KCTD16: variants seen among roughly 807,000 people sequenced by gnomAD.
KCTD16 encodes the protein potassium channel tetramerization domain containing 16, also known as BTB/POZ domain-containing protein KCTD16.
In KCTD16, 13 loss-of-function variants were observed where a neutral mutation model predicts 33.2. The observed-to-expected ratio is 0.39, with a 90% confidence interval of 0.25 to 0.62. The LOEUF (loss-of-function observed/expected upper bound fraction) is 0.62. KCTD16 is among the 20% of genes least tolerant of loss of function. The probability of loss-of-function intolerance (pLI) is 0.50; values close to 1 mark genes in which losing one functional copy is unlikely to be tolerated. For synonymous variants in KCTD16, 197 were observed against 195.3 expected, an observed-to-expected ratio of 1.01 and a Z score of -0.07; for missense variants, 441 against 525.1, an observed-to-expected ratio of 0.84 and a Z score of 1.57.
intron 3 of KCTD16, among the ~76,000 whole-genome samples, chr5:144,249,477 T>G (rs1754638023): frequency 6.6e-6 from 1 of 152,184 alleles, no homozygotes; most frequent in Admixed American, 6.5e-5. Context: ...GTTTACCTAA[T>G]ACAGTGTCTG....
In KCTD16 at chr5:144,248,254, C is replaced by G. The variant is rs1289520948; in HGVS notation, c.832+40708C>G. ...TGATGTCATTGAGAAGAGGCAATTT[C>G]AGTAAAATCTTGAAAGAGGCAAAGA... On this transcript the variant is annotated intron_variant, in intron 3 of 3. Coordinates refer to ENST00000512467, the MANE Select transcript of KCTD16 (RefSeq NM_020768.4). Among the ~76,000 whole-genome samples, 4 of 152,092 alleles carry G rather than the reference C, an allele frequency of 2.6e-5. No individual in the cohort carries two copies. The East Asian group carries it at 7.7e-4, about 29-fold the overall frequency.
At chr5:144,406,559 C>T (rs1033611156) in intron 3 of KCTD16, among the ~76,000 whole-genome samples, 1 of 152,176 alleles carries the variant, frequency 6.6e-6, no homozygotes, top group Admixed American at 6.5e-5. Flanking sequence ...TTTTCCCCTT[C>T]CTTATTATTC....
chr5:144,479,499 T>C lies in KCTD16; in HGVS notation c.*5385T>C, dbSNP rs561341632. On this transcript the variant is annotated 3_prime_UTR_variant, in exon 4 of 4. Coordinates refer to ENST00000512467, the MANE Select transcript of KCTD16 (RefSeq NM_020768.4). ...CCAAATTCCCACGTTATAAGAAAGA[T>C]GAAAATAGAGATCATGCTTGTCATG... 3.3e-5 allele frequency: 5 copies of C among 151,594 alleles called. No homozygotes were observed. Among genetic ancestry groups the C allele is most frequent in the Middle Eastern group, 3.4e-3 (1 of 292 alleles). 9.4% of individuals were successfully genotyped at this position (151,594 alleles called of 1,614,324 possible).
intron 3 of KCTD16, among the ~76,000 whole-genome samples, chr5:144,260,401 T>G (rs577704610): frequency 6.6e-6 from 1 of 152,280 alleles, no homozygotes; most frequent in East Asian, 1.9e-4. Flanking sequence ...GTAAAGTAGT[T>G]AAAGAAAATT....
chr5:144,444,212 C>G (rs1271245956), intron 3 of KCTD16, among the ~76,000 whole-genome samples: 1 of 138,148 alleles, frequency 7.2e-6, no homozygotes, highest in African/African-American at 3.5e-5. Flanking sequence ...CCTCCCCCCT[C>G]CACACACAAA....
In KCTD16 at chr5:144,345,515, A is replaced by C. The variant is rs368967402; in HGVS notation, c.833-128145A>C. On this transcript the variant is annotated intron_variant, in intron 3 of 3. Coordinates refer to ENST00000512467, the MANE Select transcript of KCTD16 (RefSeq NM_020768.4). ...CATTATTTATCTTTTATTCTTATCC[A>C]GGATGAATGTAAACCTTTTGGGTTT... Among the ~76,000 whole-genome samples the C allele has an allele frequency of 2.6e-5, 4 of 152,172 alleles. No homozygotes were observed. In the East Asian group the frequency reaches 5.8e-4, roughly 22 times the overall value.
intron 3 of KCTD16, among the ~76,000 whole-genome samples, chr5:144,345,349 T>TATA (rs917587163): frequency 1.5e-4 from 22 of 151,716 alleles, no homozygotes; most frequent in Admixed American, 2.6e-4. Flanking sequence ...AAACTTAAAG[T>TATA]ATAATAATAA....
chr5:144,207,518 G>T lies in KCTD16; in HGVS notation c.804G>T (p.Trp268Cys). ...ACCAATATACAGATGACAAGATCTG[G>T]TCAAGCTACACTGAATATGTCTTCT... is the stretch of plus-strand genomic sequence containing the variant. Reference protein sequence around the residue: ...FINQYTDDKIWSSYTEYVFYR... With the variant: ...FINQYTDDKICSSYTEYVFYR... The change falls in exon 3 of 4, where the codon TGG (tryptophan) becomes TGT (cysteine). Residue 268 changes from tryptophan (W) to cysteine (C), a missense_variant. Transcript: ENST00000512467. The T allele has an allele frequency of 6.2e-7, 1 of 1,613,738 alleles. No individual in the cohort carries two copies.
intron 3 of KCTD16, among the ~76,000 whole-genome samples, chr5:144,436,825 A>T (rs1368476627): frequency 2.6e-5 from 4 of 151,952 alleles, no homozygotes; most frequent in Non-Finnish European, 4.4e-5. Context: ...TGACCTCGTG[A>T]TCCTCCCACC....
chr5:144,280,014 A>G (rs1371323921), intron 3 of KCTD16, among the ~76,000 whole-genome samples: 1 of 152,162 alleles, frequency 6.6e-6, no homozygotes, highest in African/African-American at 2.4e-5. Context: ...CCTGAAATAA[A>G]CTTCACTTTT....
At chr5:144,205,376 T>G in intron 2 of KCTD16, 1 of 396,902 alleles carries the variant, frequency 2.5e-6, no homozygotes, top group South Asian at 1.4e-4. Flanking sequence ...TTGCCTGCAC[T>G]GCTGAAACAA....
chr5:144,220,708 G>A (rs1430757123), intron 3 of KCTD16, among the ~76,000 whole-genome samples: 1 of 152,114 alleles, frequency 6.6e-6, no homozygotes, highest in Non-Finnish European at 1.5e-5. Flanking sequence ...TTGGGAGGCC[G>A]AGGCGGGTGG....
chr5:144,297,672 G>T (rs548986290), intron 3 of KCTD16, among the ~76,000 whole-genome samples: 1 of 152,318 alleles, frequency 6.6e-6, no homozygotes, highest in African/African-American at 2.4e-5. Flanking sequence ...CATGGGGCTT[G>T]CAACTTAGCT....
chr5:144,295,704 A>G (rs1201384991), intron 3 of KCTD16, among the ~76,000 whole-genome samples: 1 of 152,222 alleles, frequency 6.6e-6, no homozygotes, highest in East Asian at 1.9e-4. Context: ...TTAAGGGTAC[A>G]GACTTCTAGA....
intron 3 of KCTD16, among the ~76,000 whole-genome samples, chr5:144,258,021 T>G (rs1754900231): frequency 6.6e-6 from 1 of 152,210 alleles, no homozygotes; most frequent in Non-Finnish European, 1.5e-5. Context: ...CCCCAGTCTT[T>G]CAATTTCACC....
intron 3 of KCTD16, among the ~76,000 whole-genome samples, chr5:144,373,417 C>G (rs543261740): frequency 1.7e-4 from 26 of 152,238 alleles, no homozygotes; most frequent in African/African-American, 6.3e-4. Context: ...AAAAATTTTC[C>G]ATCAATTTTC....
intron 3 of KCTD16, among the ~76,000 whole-genome samples, chr5:144,208,036 TTGGCTAGA>T (rs1294395373): frequency 6.6e-6 from 1 of 152,210 alleles, no homozygotes; most frequent in Non-Finnish European, 1.5e-5. Flanking sequence ...TAATGTGGTC[TTGGCTAGA>T]TGGCAGTACA....
chr5:144,325,498 C>G (rs78730155), intron 3 of KCTD16, among the ~76,000 whole-genome samples: 1 of 152,140 alleles, frequency 6.6e-6, no homozygotes, highest in Non-Finnish European at 1.5e-5. Flanking sequence ...GCCCTCTCCC[C>G]CTCCCCTTAG....
chr5:144,462,821 A>G (rs1754231631), intron 3 of KCTD16, among the ~76,000 whole-genome samples: 1 of 152,170 alleles, frequency 6.6e-6, no homozygotes, highest in Non-Finnish European at 1.5e-5. Context: ...CTGGTCATTG[A>G]ATATATCTGT....
Sources: gnomAD v4.1 joint callset for allele counts (sites outside exome capture counted in the v4.1 genomes callset) on GRCh38, gnomAD v4.1.1 for gene constraint, MANE v1.5 for transcripts, NCBI Gene and HGNC (gene_info 2026-07-23, HGNC 2026-07-21) for gene names.